The following ALPK1 variants were observed in gnomAD, a reference collection of about 807,000 sequenced individuals.
ALPK1 encodes alpha kinase 1.
Under a neutral mutation model 120.6 loss-of-function variants are expected in ALPK1, and 110 were observed. That is an observed-to-expected ratio of 0.91 (90% CI 0.78 to 1.07). The LOEUF (loss-of-function observed/expected upper bound fraction) is 1.07, where lower values mean the gene tolerates loss of function less well. Among genes scored for constraint, ALPK1 ranks in the 50% least tolerant of loss-of-function variants. The probability of loss-of-function intolerance (pLI) is 0.00; values close to 1 mark genes in which losing one functional copy is unlikely to be tolerated. For synonymous variants in ALPK1, 582 were observed against 560.3 expected (o/e 1.04, Z -0.55); for missense variants, 1,498 against 1,483.9 (o/e 1.01, Z -0.16).
chr4:112,302,864 C>A (rs1309212028), intron 1 of ALPK1, among the ~76,000 whole-genome samples: 1 of 152,208 alleles, frequency 6.6e-6, no homozygotes, highest in Non-Finnish European at 1.5e-5. Flanking sequence ...CATTTCTTCA[C>A]CTTTTACTTC....
At chr4:112,339,810 ATC>A (rs3079162) in intron 2 of ALPK1, among the ~76,000 whole-genome samples, 135 of 152,338 alleles carry the variant, frequency 8.9e-4, no homozygotes, top group African/African-American at 3.0e-3. Flanking sequence ...ACATCACTGA[ATC>A]TCTTTCTCTT....
intron 6 of ALPK1, among the ~76,000 whole-genome samples, chr4:112,424,824 A>G (rs1170701198): frequency 6.6e-6 from 1 of 152,158 alleles, no homozygotes; most frequent in African/African-American, 2.4e-5. Flanking sequence ...GAAAATAAAT[A>G]TTATCTGATG....
At chr4:112,327,011 T>C (rs569776526) in intron 2 of ALPK1, among the ~76,000 whole-genome samples, 3 of 152,386 alleles carry the variant, frequency 2.0e-5, no homozygotes, top group African/African-American at 7.2e-5. Flanking sequence ...AGAAGGGTCA[T>C]TCTTTCCTAC....
intron 4 of ALPK1, chr4:112,410,771 T>C (rs1025607150): frequency 1.3e-5 from 2 of 152,294 alleles, no homozygotes; most frequent in African/African-American, 4.8e-5. Context: ...TATTTATTTC[T>C]ACTTCTCGCT....
At chr4:112,380,386 A>G (rs1731847198) in intron 3 of ALPK1, among the ~76,000 whole-genome samples, 1 of 152,188 alleles carries the variant, frequency 6.6e-6, no homozygotes, top group Non-Finnish European at 1.5e-5. Context: ...GATGCTCAGT[A>G]GTCCTGGACT....
intron 12 of ALPK1, among the ~76,000 whole-genome samples, chr4:112,435,632 CA>C (rs11365210): frequency 0.68 from 103,769 of 151,844 alleles, 35,615 homozygotes; most frequent in African/African-American, 0.75. Flanking sequence ...AAAATGCTGG[CA>C]AAAAAAGGTA....
chr4:112,356,092 T>G, intron 2 of ALPK1: 1 of 1,158,154 alleles, frequency 8.6e-7, no homozygotes, highest in Admixed American at 1.7e-5. Context: ...CCGAATAGCC[T>G]GCCCCTCAGC....
intron 2 of ALPK1, chr4:112,316,245 C>T (rs1251177590): frequency 6.6e-6 from 1 of 152,202 alleles, no homozygotes; most frequent in African/African-American, 2.4e-5. Context: ...CTCTCTGTGT[C>T]TATCAGTGTG....
intron 1 of ALPK1, among the ~76,000 whole-genome samples, chr4:112,305,567 A>C (rs1183410588): frequency 6.6e-6 from 1 of 152,092 alleles, no homozygotes; most frequent in African/African-American, 2.4e-5. Context: ...TTATTGGTGT[A>C]TAAGAATGCT....
At chr4:112,378,699 T>C (rs1178379216) in intron 3 of ALPK1, among the ~76,000 whole-genome samples, 2 of 152,226 alleles carry the variant, frequency 1.3e-5, no homozygotes, top group East Asian at 3.8e-4. Flanking sequence ...ACTTTGCTAT[T>C]CCTCACAGAA....
Position 112,427,647 on chromosome 4 carries a change from C to G in ALPK1, c.777C>G (p.Asn259Lys). Residue 259 changes from asparagine (N) to lysine (K), a missense_variant, in exon 9 of 16, where the codon AAC becomes AAG. Asn to Lys is a moderately conservative substitution (Grantham distance 94, BLOSUM62 0). Coordinates refer to ENST00000650871, the MANE Select transcript of ALPK1 (RefSeq NM_025144.4). Reference sequence around the variant, plus strand: ...AGAACGATTATGAAAAGTTTAAAAACAATCCACAAATTAATTTGGTAATTA... The same window carrying G: ...AGAACGATTATGAAAAGTTTAAAAAGAATCCACAAATTAATTTGGTAATTA... The part of the protein sequence containing the change: ...MSKNDYEKFK[N>K]NPQINLSLLK... 3.1e-6 allele frequency: 5 copies of G among 1,612,644 alleles called. No homozygotes were observed. Among genetic ancestry groups the G allele is most frequent in the Non-Finnish European group, 4.2e-6 (5 of 1,178,714 alleles).
At chr4:112,388,250 A>G (rs1310549653) in intron 4 of ALPK1, among the ~76,000 whole-genome samples, 5 of 152,262 alleles carry the variant, frequency 3.3e-5, no homozygotes, top group East Asian at 1.9e-4. Flanking sequence ...ATGAATAAAC[A>G]TGAATAAATA....
At chr4:112,315,310 T>A (rs896224756) in intron 1 of ALPK1, among the ~76,000 whole-genome samples, 1 of 152,248 alleles carries the variant, frequency 6.6e-6, no homozygotes, top group African/African-American at 2.4e-5. Flanking sequence ...TAGACTTTTT[T>A]AAAGTCAGTG....
At chr4:112,316,987 T>C (rs1204548818) in intron 2 of ALPK1, among the ~76,000 whole-genome samples, 1 of 152,176 alleles carries the variant, frequency 6.6e-6, no homozygotes, top group Admixed American at 6.5e-5. Context: ...AAAAAAACTT[T>C]AGTGGATGAA....
chr4:112,306,741 T>C (rs1397983071), intron 1 of ALPK1, among the ~76,000 whole-genome samples: 1 of 152,130 alleles, frequency 6.6e-6, no homozygotes, highest in Non-Finnish European at 1.5e-5. Context: ...TTTTTGTGTC[T>C]CTATCTCCTT....
chr4:112,358,766 G>C (rs1429894051), intron 2 of ALPK1: 1 of 811,692 alleles, frequency 1.2e-6, no homozygotes, highest in East Asian at 2.4e-5. Flanking sequence ...GTGCACAGAT[G>C]AACACGGCCA....
chr4:112,359,224 G>T (rs535643195), intron 2 of ALPK1: 2 of 576,806 alleles, frequency 3.5e-6, no homozygotes, highest in East Asian at 7.1e-5. Context: ...CCACAGTGGG[G>T]GTCCAGAGCG....
At chr4:112,438,798 A>G in intron 13 of ALPK1, 152 bp downstream of exon 13, 1 of 848,018 alleles carries the variant, frequency 1.2e-6, no homozygotes. Context: ...AAAGAACCCT[A>G]AAGATTTATC....
At chr4:112,440,614 A>C (rs1734993895) in intron 14 of ALPK1, among the ~76,000 whole-genome samples, 1 of 152,220 alleles carries the variant, frequency 6.6e-6, no homozygotes, top group South Asian at 2.1e-4. Context: ...TATGATATTG[A>C]TAATTATTCT....
Sources: gnomAD v4.1 joint callset for allele counts (sites outside exome capture counted in the v4.1 genomes callset) on GRCh38, gnomAD v4.1.1 for gene constraint, MANE v1.5 for transcripts, NCBI Gene and HGNC (gene_info 2026-07-23, HGNC 2026-07-21) for gene names.